Variants in LMX1B observed in about 807,000 individuals in gnomAD.
The protein encoded by LMX1B is LIM homeobox transcription factor 1 beta.
In LMX1B, 12 loss-of-function variants were observed where a neutral mutation model predicts 51.4. The observed-to-expected ratio is 0.23, with a 90% CI of 0.15 to 0.38. The LOEUF (loss-of-function observed/expected upper bound fraction) is 0.38. Ranked by LOEUF, LMX1B falls within the 10% of genes least tolerant of loss-of-function variation. The pLI is 1.00. For missense variants in LMX1B, 445 were observed against 571.1 expected (o/e 0.78, Z 2.25); for synonymous variants, 237 against 235.4 (o/e 1.01, Z -0.06).
intron 2 of LMX1B, among the ~76,000 whole-genome samples, chr9:126,621,655 CTTTTTTTTTTTTTTTTT>C (rs71377950): frequency 2.6e-5 from 3 of 116,904 alleles, no homozygotes; most frequent in East Asian, 2.4e-4. Flanking sequence ...TCTCTCTCTT[CTTTTTTTTTTTTTTTTT>C]TTTTTTTTTG....
At position 126,694,356 on chromosome 9, in the gene LMX1B, A is replaced by G. The variant is rs188069991; in HGVS notation, c.886+544A>G. 9.0e-3 allele frequency among the ~76,000 whole-genome samples: 1,376 copies of G among 152,312 alleles called. 16 individuals carry two copies. Among genetic ancestry groups the G allele is most frequent in the South Asian group, 0.039 (187 of 4,826 alleles). On this transcript the variant is annotated intron_variant, in intron 6 of 7. Transcript: ENST00000373474. Reference sequence around the variant, plus strand: ...ACCTCAGCCCCAAGCCTGGAGCTCAAGCCTGTACCTTTAACAGGATGACAC... The same window carrying G: ...ACCTCAGCCCCAAGCCTGGAGCTCAGGCCTGTACCTTTAACAGGATGACAC...
At chr9:126,630,221 G>A (rs1464980248) in intron 2 of LMX1B, among the ~76,000 whole-genome samples, 1 of 151,802 alleles carries the variant, frequency 6.6e-6, no homozygotes, top group Non-Finnish European at 1.5e-5. Flanking sequence ...CAGAATTGGG[G>A]CTCAGAGGGG....
rs1836155149 is a variant in LMX1B at position 126,658,158 on chromosome 9, G to T, written c.327-32678G>T. On this transcript the variant is annotated intron_variant, in intron 2 of 7. Transcript: ENST00000373474. This position sits in a 1 kb window ranked among gnomAD's most constrained non-coding sequence, Gnocchi z 4.0. ...GAGGGAATCCCCAGCCAAGTGCAGA[G>T]GTCAGGGGTCTGTGTCTGGGGAATG... 6.6e-6 allele frequency among the ~76,000 whole-genome samples: 1 copy of T among 152,056 alleles called. No homozygotes were observed. Among genetic ancestry groups the T allele is most frequent in the Non-Finnish European group, 1.5e-5 (1 of 67,996 alleles).
intron 2 of LMX1B, among the ~76,000 whole-genome samples, chr9:126,664,336 G>A (rs1836300361): frequency 6.6e-6 from 1 of 152,122 alleles, no homozygotes; most frequent in Admixed American, 6.5e-5. Context: ...CAAGTCACAG[G>A]ACCAGGCCCC....
intron 2 of LMX1B, among the ~76,000 whole-genome samples, chr9:126,649,362 A>G (rs551096022): frequency 1.3e-5 from 2 of 152,246 alleles, no homozygotes; most frequent in East Asian, 3.9e-4. Flanking sequence ...ACCTCTAGGA[A>G]TCTTCCAGAG....
chr9:126,652,609 CTG>C (rs141732679), intron 2 of LMX1B, among the ~76,000 whole-genome samples: 1 of 151,478 alleles, frequency 6.6e-6, no homozygotes, highest in Non-Finnish European at 1.5e-5. Flanking sequence ...CTGTGCGTGA[CTG>C]TGTGTGTGTG....
chr9:126,638,147 G>T (rs1450831107), intron 2 of LMX1B, among the ~76,000 whole-genome samples: 2 of 152,098 alleles, frequency 1.3e-5, no homozygotes, highest in Non-Finnish European at 2.9e-5. Context: ...GGTTCCCGAA[G>T]CCTGAGGAGC....
rs1357301047 is a variant in LMX1B, at chr9:126,626,703, G to C, written c.326+11134G>C. Among the ~76,000 whole-genome samples the C allele has an allele frequency of 1.3e-5, 2 of 152,154 alleles. No individual in the cohort carries two copies. The highest frequency in any genetic ancestry group is 2.9e-5 in the Non-Finnish European group (2 of 68,024). The stretch of plus-strand genomic sequence containing the variant: ...GTTTGGAAAGGGGTGGGTGGGGGGC[G>C]TCGAGCGAGCGAGGGAAGGAGCAAG... On this transcript the variant is annotated intron_variant, in intron 2 of 7. Transcript: ENST00000373474. The surrounding 1 kb of genome is among the most constrained non-coding windows in gnomAD (Gnocchi z 4.3).
At chr9:126,630,336 G>A (rs767807441) in intron 2 of LMX1B, among the ~76,000 whole-genome samples, 8 of 151,940 alleles carry the variant, frequency 5.3e-5, no homozygotes, top group African/African-American at 1.5e-4. Flanking sequence ...CTCAGCTCCC[G>A]GGAACCCAGG....
intron 2 of LMX1B, among the ~76,000 whole-genome samples, chr9:126,630,093 C>T (rs912335339): frequency 2.8e-5 from 4 of 141,708 alleles, no homozygotes; most frequent in Admixed American, 1.5e-4. Context: ...ACCCGGGAGA[C>T]GGAGCTTGCA....
At chr9:126,663,778 A>G (rs1256418994) in intron 2 of LMX1B, among the ~76,000 whole-genome samples, 1 of 152,224 alleles carries the variant, frequency 6.6e-6, no homozygotes, top group East Asian at 1.9e-4. Flanking sequence ...TGCTTTTCCC[A>G]AGACGATGTG....
intron 2 of LMX1B, among the ~76,000 whole-genome samples, chr9:126,633,830 G>A (rs559501274): frequency 1.2e-4 from 18 of 152,128 alleles, no homozygotes; most frequent in Admixed American, 7.9e-4. Context: ...TCATTCAACC[G>A]TAAGCCTCAT....
Position 126,625,779 on chromosome 9 carries a change from C to T in LMX1B, c.326+10210C>T, listed in dbSNP as rs962776708. On this transcript the variant is annotated intron_variant, in intron 2 of 7. Transcript: ENST00000373474. This position sits in a 1 kb window ranked among gnomAD's most constrained non-coding sequence, Gnocchi z 5.3. ...CGGCGCTCTGGCCGCAGAGACCCAG[C>T]CCTGTCTGCCGACTGGCCCTTCGAC... 6.6e-6 allele frequency among the ~76,000 whole-genome samples: 1 copy of T among 152,350 alleles called. No individual in the cohort carries two copies. The highest frequency in any genetic ancestry group is 1.9e-4 in the East Asian group (1 of 5,178).
intron 2 of LMX1B, among the ~76,000 whole-genome samples, chr9:126,655,546 G>A (rs1836100907): frequency 6.6e-6 from 1 of 152,188 alleles, no homozygotes; most frequent in Non-Finnish European, 1.5e-5. Context: ...CAGCAAGGAG[G>A]GAGAGGTTTC....
chr9:126,672,614 G>T (rs992708967), intron 2 of LMX1B, among the ~76,000 whole-genome samples: 4 of 152,202 alleles, frequency 2.6e-5, no homozygotes, highest in Non-Finnish European at 5.9e-5. Flanking sequence ...ATGGAAAGCC[G>T]GGGCCCAGGA....
rs747533344 is a variant in LMX1B, at chr9:126,693,607, AGGCCACCCCCCATCCCCACT to A, written c.819+11_819+30del. ...TTCAGAACCAAAGAGCAAAGGTAAG[AGGCCACCCCCCATCCCCACT>A]GGCCCCGGGTAGGGTGGGACTAGAG... On this transcript the variant is annotated splice_region_variant and intron_variant, in intron 5 of 7. Transcript: ENST00000373474. The A allele has an allele frequency of 4.3e-6, 7 of 1,614,000 alleles. No individual in the cohort carries two copies. Among genetic ancestry groups the A allele is most frequent in the Non-Finnish European group, 5.9e-6 (7 of 1,179,906 alleles).
chr9:126,672,621 A>G (rs986855140), intron 2 of LMX1B, among the ~76,000 whole-genome samples: 1 of 152,296 alleles, frequency 6.6e-6, no homozygotes, highest in Non-Finnish European at 1.5e-5. Context: ...GCCGGGGCCC[A>G]GGAATTTACA....
chr9:126,695,558 A>G lies in LMX1B; in HGVS notation c.887-281A>G, dbSNP rs2030294707. ...CTCCCAGATGCAGCGCAGAATCACT[A>G]TTGCCTGTGTGGGGTCTGCCGCCTC... On this transcript the variant is annotated intron_variant, in intron 6 of 7. Transcript: ENST00000373474. The surrounding 1 kb of genome is among the most constrained non-coding windows in gnomAD (Gnocchi z 5.2). 6.6e-6 allele frequency among the ~76,000 whole-genome samples: 1 copy of G among 151,872 alleles called. No individual in the cohort carries two copies. The highest frequency in any genetic ancestry group is 1.5e-5 in the Non-Finnish European group (1 of 67,964).
At chr9:126,656,433 A>AG (rs760368331) in intron 2 of LMX1B, among the ~76,000 whole-genome samples, 1 of 146,328 alleles carries the variant, frequency 6.8e-6, no homozygotes, top group Non-Finnish European at 1.5e-5. Flanking sequence ...ATAGATAGAT[A>AG]GATAGGATAG....
Sources: allele counts gnomAD v4.1 joint callset (sites outside exome capture counted in the v4.1 genomes callset), GRCh38; gene constraint gnomAD v4.1.1; non-coding constraint Gnocchi (gnomAD v3.1); transcripts MANE v1.5; gene names NCBI Gene and HGNC (gene_info 2026-07-23, HGNC 2026-07-21).